The following ZBTB44 variants were observed in gnomAD, a reference collection of about 807,000 sequenced individuals.
ZBTB44 encodes the protein zinc finger and BTB domain-containing protein 44.
Under a neutral mutation model 54.0 loss-of-function variants are expected in ZBTB44, and 15 were observed. That is an observed-to-expected ratio of 0.28 (90% CI 0.19 to 0.43). The LOEUF (loss-of-function observed/expected upper bound fraction) is 0.43. Among genes scored for constraint, ZBTB44 ranks in the 20% least tolerant of loss-of-function variants. ZBTB44 has a pLI of 1.00. For missense variants in ZBTB44, 487 were observed against 707.1 expected, an observed-to-expected ratio of 0.69 and a Z score of 3.53; for synonymous variants, 230 against 250.1, an observed-to-expected ratio of 0.92 and a Z score of 0.76.
At chr11:130,293,655 G>C (rs1325482044) in intron 1 of ZBTB44, among the ~76,000 whole-genome samples, 1 of 151,636 alleles carries the variant, frequency 6.6e-6, no homozygotes, top group Non-Finnish European at 1.5e-5. Context: ...AAATTAGCTG[G>C]GTATGGTGGT....
At chr11:130,264,722 A>T (rs1939126866) in intron 1 of ZBTB44, among the ~76,000 whole-genome samples, 1 of 152,230 alleles carries the variant, frequency 6.6e-6, no homozygotes, top group Non-Finnish European at 1.5e-5. Flanking sequence ...CAGGCCCAAG[A>T]TATGCTCCAT....
intron 2 of ZBTB44, among the ~76,000 whole-genome samples, chr11:130,243,543 G>A (rs1565647667): frequency 1.3e-5 from 2 of 152,274 alleles, no homozygotes; most frequent in South Asian, 2.1e-4. Context: ...TTTCTAGTCC[G>A]CTCATTGCCA....
intron 1 of ZBTB44, among the ~76,000 whole-genome samples, chr11:130,311,508 C>A (rs746305252): frequency 1.3e-5 from 2 of 152,146 alleles, no homozygotes; most frequent in African/African-American, 4.8e-5. Context: ...TGTGCTTGGC[C>A]AGTTTATTAA....
Position 130,230,413 on chromosome 11 carries a change from GTTTTTTTTTTT to G in ZBTB44, c.*1340_*1350del, listed in dbSNP as rs60251959. 6 of 105,414 alleles carry G rather than the reference GTTTTTTTTTTT, an allele frequency of 5.7e-5. No homozygotes were observed. The highest frequency in any genetic ancestry group is 1.1e-4 in the Non-Finnish European group (6 of 55,138). The allele number at this position is 105,414 out of a possible 1,614,324, so 6.5% of individuals were successfully genotyped here. On this transcript the variant is annotated 3_prime_UTR_variant, in exon 8 of 8. Transcript: ENST00000357899. ...GGCAAAGTATTTTAACAAGATGAAA[GTTTTTTTTTTT>G]TTTTTTTTTTGCTAGTTATTAAGAA... is the stretch of plus-strand genomic sequence containing the variant.
chr11:130,307,220 C>T (rs1251965119), intron 1 of ZBTB44, among the ~76,000 whole-genome samples: 1 of 151,962 alleles, frequency 6.6e-6, no homozygotes, highest in Non-Finnish European at 1.5e-5. Context: ...GTAAGGAGAC[C>T]AAGACCATCC....
chr11:130,269,610 C>G (rs1939524559), intron 1 of ZBTB44, among the ~76,000 whole-genome samples: 1 of 152,122 alleles, frequency 6.6e-6, no homozygotes, highest in African/African-American at 2.4e-5. Context: ...CAAAAAAGAA[C>G]CTACAATTTT....
intron 1 of ZBTB44, among the ~76,000 whole-genome samples, chr11:130,298,157 T>C (rs1326940090): frequency 1.3e-5 from 2 of 152,156 alleles, no homozygotes; most frequent in Admixed American, 6.5e-5. Context: ...TGATTTTTTT[T>C]TTTTGAGATA....
At chr11:130,257,238 TAAAAAAAAAAA>T (rs572669481) in intron 2 of ZBTB44, among the ~76,000 whole-genome samples, 4 of 109,342 alleles carry the variant, frequency 3.7e-5, no homozygotes, top group African/African-American at 9.5e-5. Context: ...TCCCAGATCT[TAAAAAAAAAAA>T]AAAAAAAAAA....
chr11:130,246,298 TAC>T (rs1174987662), intron 2 of ZBTB44, among the ~76,000 whole-genome samples: 1 of 152,150 alleles, frequency 6.6e-6, no homozygotes, highest in Non-Finnish European at 1.5e-5. Flanking sequence ...CATATATATA[TAC>T]ACACACATAT....
At chr11:130,239,647 G>A (rs1954266242) in intron 3 of ZBTB44, 165 bp downstream of exon 3, 2 of 522,022 alleles carry the variant, frequency 3.8e-6, no homozygotes, top group Non-Finnish European at 3.4e-6. Context: ...AAAAAGCCTT[G>A]TATAGGTACT....
intron 1 of ZBTB44, among the ~76,000 whole-genome samples, chr11:130,297,463 T>A (rs1941718306): frequency 6.6e-6 from 1 of 152,254 alleles, no homozygotes; most frequent in Non-Finnish European, 1.5e-5. Flanking sequence ...TATGTCTTGG[T>A]ATGGGGTTGA....
At chr11:130,313,936 GTTTGTGTGTGTGTATA>G (rs1484764556) in intron 1 of ZBTB44, among the ~76,000 whole-genome samples, 2 of 91,228 alleles carry the variant, frequency 2.2e-5, no homozygotes, top group African/African-American at 4.0e-5. Context: ...GTGTGTGTGT[GTTTGTGTGTGTGTATA>G]TATATATATA....
chr11:130,238,347 T>A, intron 4 of ZBTB44, 97 bp downstream of exon 4: 3 of 1,371,776 alleles, frequency 2.2e-6, no homozygotes, highest in Non-Finnish European at 2.9e-6. Context: ...GAGTTTTTTT[T>A]AAAACTCAGA....
chr11:130,265,348 CAGAG>C (rs1259497866), intron 1 of ZBTB44, among the ~76,000 whole-genome samples: 1 of 152,084 alleles, frequency 6.6e-6, no homozygotes, highest in African/African-American at 2.4e-5. Context: ...TTTCAGCTTC[CAGAG>C]TAGCTGGAAA....
At chr11:130,303,819 G>C (rs1270177650) in intron 1 of ZBTB44, among the ~76,000 whole-genome samples, 1 of 151,720 alleles carries the variant, frequency 6.6e-6, no homozygotes, top group Non-Finnish European at 1.5e-5. Context: ...GTATTAAAAG[G>C]GAAGAATATT....
At chr11:130,296,960 T>A (rs1352744437) in intron 1 of ZBTB44, 1 of 747,254 alleles carries the variant, frequency 1.3e-6, no homozygotes, top group Non-Finnish European at 2.5e-6. Context: ...GAGGTGGTGG[T>A]GGATTTGACT....
intron 2 of ZBTB44, among the ~76,000 whole-genome samples, chr11:130,244,887 G>A (rs989121631): frequency 3.9e-5 from 6 of 152,032 alleles, no homozygotes; most frequent in South Asian, 2.1e-4. Flanking sequence ...AGTAAAAAGC[G>A]TTTTAAAAAA....
rs112514805 is a variant in ZBTB44 at position 130,291,215 on chromosome 11, T to C, written c.-57+23160A>G. Among the ~76,000 whole-genome samples, 9 of 152,240 alleles carry C rather than the reference T, an allele frequency of 5.9e-5. No homozygotes were observed. In the East Asian group the frequency reaches 9.7e-4, roughly 16 times the overall value. On this transcript the variant is annotated intron_variant, in intron 1 of 7. Transcript: ENST00000357899. ...GGTGCAATCTTGGCTCTTGAATTGC[T>C]TGAACCTCTGCCTCCCGGATTCAAG...
intron 2 of ZBTB44, among the ~76,000 whole-genome samples, chr11:130,248,599 C>A (rs1937729650): frequency 6.6e-6 from 1 of 151,646 alleles, no homozygotes; most frequent in South Asian, 2.1e-4. Context: ...TGACATCACA[C>A]CACAGCACTC....
Sources: gnomAD v4.1 joint callset for allele counts (sites outside exome capture counted in the v4.1 genomes callset) on GRCh38, gnomAD v4.1.1 for gene constraint, MANE v1.5 for transcripts, NCBI Gene and HGNC (gene_info 2026-07-23, HGNC 2026-07-21) for gene names.